The following PIK3C2G variants were observed in gnomAD, a reference collection of about 807,000 sequenced individuals.
The protein encoded by PIK3C2G is phosphatidylinositol-4-phosphate 3-kinase catalytic subunit type 2 gamma.
In PIK3C2G, 168 loss-of-function variants were observed where a neutral mutation model predicts 181.1. The observed-to-expected ratio is 0.93, with a 90% CI of 0.82 to 1.05. The LOEUF is 1.05. Ranked by LOEUF, PIK3C2G falls within the 50% of genes least tolerant of loss-of-function variation. The pLI, the probability that PIK3C2G is intolerant of heterozygous loss-of-function variation, is 0.00. For missense variants in PIK3C2G, 1,869 were observed against 1,732.8 expected (o/e 1.08, Z -1.40); for synonymous variants, 573 against 592.2 (o/e 0.97, Z 0.47).
chr12:18,671,975 C>G, the PIK3C2G span, among the ~76,000 whole-genome samples: 1 of 152,070 alleles, frequency 6.6e-6, no homozygotes, highest in Non-Finnish European at 1.5e-5. Flanking sequence ...TTTATCAGGA[C>G]ACAAATCCCA....
chr12:18,368,874 G>GA (rs997084101), intron 12 of PIK3C2G, among the ~76,000 whole-genome samples: 1 of 151,982 alleles, frequency 6.6e-6, no homozygotes, highest in African/African-American at 2.4e-5. Context: ...TACAGGCACT[G>GA]AAAAAAAGAA....
chr12:18,589,580 G>A (rs68030477), intron 29 of PIK3C2G, among the ~76,000 whole-genome samples: 34,689 of 151,694 alleles, frequency 0.23, 3,902 homozygotes, highest in Non-Finnish European at 0.24. Context: ...ATGAAGGAAG[G>A]AAAAATAGAG....
At chr12:18,646,210 A>G (rs1433946408) in intron 32 of PIK3C2G, among the ~76,000 whole-genome samples, 1 of 152,206 alleles carries the variant, frequency 6.6e-6, no homozygotes, top group Non-Finnish European at 1.5e-5. Context: ...TTTAATGAAC[A>G]TGTATTTTCA....
At chr12:18,285,383 A>C (rs1034753765) in intron 2 of PIK3C2G, 2 of 152,132 alleles carry the variant, frequency 1.3e-5, no homozygotes, top group African/African-American at 4.8e-5. Context: ...GGTACAAGGA[A>C]AATGACACCA....
rs142225572 is a variant in PIK3C2G, at chr12:18,603,782, A to G, written c.4088-5753A>G. ...TATCCAGCGAAACTAAGCATCATTTATGAAGGAAAGATACAGTCTTTTTCA... is the reference window on the plus strand; with the variant it reads ...TATCCAGCGAAACTAAGCATCATTTGTGAAGGAAAGATACAGTCTTTTTCA... On this transcript the variant is annotated intron_variant, in intron 30 of 32. Coordinates refer to ENST00000538779, the MANE Select transcript of PIK3C2G (RefSeq NM_001288772.2). Among the ~76,000 whole-genome samples, 926 of 152,334 alleles carry G rather than the reference A, an allele frequency of 6.1e-3. 4 individuals are homozygous for G. Among genetic ancestry groups the G allele is most frequent in the Admixed American group, 0.012 (179 of 15,304 alleles).
chr12:18,497,210 T>C (rs1052829588), intron 21 of PIK3C2G, among the ~76,000 whole-genome samples: 1 of 152,200 alleles, frequency 6.6e-6, no homozygotes, highest in Non-Finnish European at 1.5e-5. Context: ...TAACTGCATA[T>C]CGGTGCATAA....
chr12:18,451,801 G>A (rs915505813), intron 18 of PIK3C2G, among the ~76,000 whole-genome samples: 2 of 152,154 alleles, frequency 1.3e-5, no homozygotes, highest in Non-Finnish European at 2.9e-5. Flanking sequence ...TTTTATCGAA[G>A]GCCTTTTCTG....
intron 28 of PIK3C2G, 69 bp from the exon 29 acceptor site, chr12:18,566,880 T>C (rs973883868): frequency 1.2e-6 from 1 of 805,050 alleles, no homozygotes; most frequent in Non-Finnish European, 2.2e-6. Context: ...TGTAACTACA[T>C]GAACAATCTT....
intron 11 of PIK3C2G, 48 bp downstream of exon 11, chr12:18,346,884 T>G: frequency 8.0e-7 from 1 of 1,254,188 alleles, no homozygotes; most frequent in Non-Finnish European, 1.1e-6. Context: ...TTACATAGCT[T>G]CTAAGTAGAA....
intron 25 of PIK3C2G, among the ~76,000 whole-genome samples, chr12:18,542,547 T>C (rs1342446202): frequency 6.6e-6 from 1 of 151,872 alleles, no homozygotes; most frequent in Non-Finnish European, 1.5e-5. Context: ...TTTCTGCTTC[T>C]CACCCTCCTC....
chr12:18,412,251 C>G (rs1944905629), intron 16 of PIK3C2G, among the ~76,000 whole-genome samples: 1 of 152,094 alleles, frequency 6.6e-6, no homozygotes, highest in Non-Finnish European at 1.5e-5. Context: ...TAACTTATGG[C>G]CACATAACAA....
chr12:18,338,920 T>C (rs976226672), intron 9 of PIK3C2G, among the ~76,000 whole-genome samples: 2 of 152,080 alleles, frequency 1.3e-5, no homozygotes, highest in African/African-American at 2.4e-5. Flanking sequence ...TTTGTATAGA[T>C]TGTTAATGGT....
In PIK3C2G at chr12:18,503,303, T is replaced by C. The variant is rs1419215715; in HGVS notation, c.3039T>C (p.Asp1013=). Residue 1013 remains aspartate, a synonymous_variant, in exon 23 of 33, where the codon GAT becomes GAC. Coordinates refer to ENST00000538779, the MANE Select transcript of PIK3C2G (RefSeq NM_001288772.2). The stretch of plus-strand genomic sequence containing the variant: ...CAGGATTGGTGCAGATGGTACCTGA[T>C]GCTGTGACCCTAGCAAAGATTCATC... The part of the protein sequence containing the change: ...KDQGLVQMVP[D]AVTLAKIHRH... 1.2e-5 allele frequency: 19 copies of C among 1,610,622 alleles called. No homozygotes were observed. The highest frequency in any genetic ancestry group is 1.7e-5 in the Admixed American group (1 of 59,614).
intron 10 of PIK3C2G, among the ~76,000 whole-genome samples, chr12:18,345,361 C>A (rs528678152): frequency 7.2e-5 from 11 of 152,190 alleles, no homozygotes; most frequent in African/African-American, 2.6e-4. Flanking sequence ...GCTTGTCCCC[C>A]CCAGACTGTT....
intron 28 of PIK3C2G, among the ~76,000 whole-genome samples, chr12:18,563,941 A>G (rs1201636253): frequency 6.7e-6 from 1 of 149,478 alleles, no homozygotes; most frequent in Non-Finnish European, 1.5e-5. Flanking sequence ...ATACATATTT[A>G]ATTATATATA....
chr12:18,256,104 TTTAA>T (rs756016936), intron 1 of PIK3C2G, among the ~76,000 whole-genome samples: 1 of 152,330 alleles, frequency 6.6e-6, no homozygotes, highest in Non-Finnish European at 1.5e-5. Flanking sequence ...CTCAGAAGTA[TTTAA>T]TTACCCTGTA....
chr12:18,641,134 G>A (rs547574298), intron 32 of PIK3C2G, among the ~76,000 whole-genome samples: 58 of 151,628 alleles, frequency 3.8e-4, no homozygotes, highest in Non-Finnish European at 6.5e-4. Flanking sequence ...TTTTCTTATG[G>A]CTGTCTCATC....
chr12:18,696,238 C>T, the PIK3C2G span: 1 of 1,588,030 alleles, frequency 6.3e-7, no homozygotes, highest in Admixed American at 1.7e-5. Flanking sequence ...TGGTAATGAA[C>T]TTCCTGGTGT....
chr12:18,514,657 T>C (rs2136155012), intron 24 of PIK3C2G, among the ~76,000 whole-genome samples: 1 of 152,012 alleles, frequency 6.6e-6, no homozygotes, highest in South Asian at 2.1e-4. Flanking sequence ...TCTTTAGTAT[T>C]TCTATGTAAA....
Sources: allele counts gnomAD v4.1 joint callset (sites outside exome capture counted in the v4.1 genomes callset), GRCh38; gene constraint gnomAD v4.1.1; transcripts MANE v1.5; gene names NCBI Gene and HGNC (gene_info 2026-07-23, HGNC 2026-07-21).